Variants in MALRD1 observed in about 807,000 individuals in gnomAD.
The protein encoded by MALRD1 is MAM and LDL-receptor class A domain-containing protein 1.
Under a neutral mutation model 242.1 loss-of-function variants are expected in MALRD1, and 247 were observed. The ratio of observed to expected loss-of-function variants is 1.02; its 90% CI spans 0.92 to 1.13. The LOEUF (loss-of-function observed/expected upper bound fraction) is 1.13. MALRD1 is among the 50% of genes most tolerant of loss of function. The pLI is 0.00. For synonymous variants in MALRD1, 995 were observed against 866.6 expected (o/e 1.15, Z -2.60); for missense variants, 2,989 against 2,533.1 (o/e 1.18, Z -3.86).
chr10:19,161,379 G>A (rs1834392609), intron 12 of MALRD1, among the ~76,000 whole-genome samples: 1 of 114,240 alleles, frequency 8.8e-6, no homozygotes. Context: ...GGGAGGGATA[G>A]CATTGGGAGA....
At position 19,339,568 on chromosome 10, in the gene MALRD1, A is replaced by G. The variant is rs533940468; in HGVS notation, c.3901+7986A>G. Among the ~76,000 whole-genome samples the G allele has an allele frequency of 2.0e-5, 3 of 152,262 alleles. No individual in the cohort carries two copies. In the East Asian group the frequency reaches 5.8e-4, roughly 29 times the overall value. ...TCCTTTATTGCTTGCCATCCTGGCC[A>G]TTGCTACAAATTTTAGGTAATTTTT... On this transcript the variant is annotated intron_variant, in intron 24 of 39. Coordinates refer to ENST00000454679, the MANE Select transcript of MALRD1 (RefSeq NM_001142308.3).
intron 32 of MALRD1, among the ~76,000 whole-genome samples, chr10:19,565,397 T>A (rs1836207615): frequency 6.6e-6 from 1 of 152,200 alleles, no homozygotes; most frequent in African/African-American, 2.4e-5. Context: ...AACAAAGTGT[T>A]ACAGTTACAT....
chr10:19,541,095 T>G (rs959026064), intron 32 of MALRD1, among the ~76,000 whole-genome samples: 3 of 152,258 alleles, frequency 2.0e-5, no homozygotes, highest in Admixed American at 6.5e-5. Context: ...GCAATCTTAT[T>G]ATGAAAGTTA....
At chr10:19,569,118 C>T (rs1030705342) in intron 33 of MALRD1, among the ~76,000 whole-genome samples, 5 of 151,868 alleles carry the variant, frequency 3.3e-5, no homozygotes, top group African/African-American at 1.2e-4. Context: ...ATTATTCATC[C>T]CATATTCTGC....
rs377546426 is a variant in MALRD1 at position 19,585,812 on chromosome 10, G to C, written c.5681-9382G>C. Among the ~76,000 whole-genome samples, 44 of 152,276 alleles carry C rather than the reference G, an allele frequency of 2.9e-4. No homozygotes were observed. In the East Asian group the frequency reaches 6.4e-3, roughly 22 times the overall value. Reference sequence around the variant, plus strand: ...GGGAAGTTCTCCTGGATAATATCCTGCAGAGTGTTTTCCAACTTGGTTCCA... The same window carrying C: ...GGGAAGTTCTCCTGGATAATATCCTCCAGAGTGTTTTCCAACTTGGTTCCA... On this transcript the variant is annotated intron_variant, in intron 33 of 39. Transcript: ENST00000454679.
chr10:19,454,633 G>T (rs1038473581), intron 29 of MALRD1, among the ~76,000 whole-genome samples: 5 of 150,378 alleles, frequency 3.3e-5, no homozygotes, highest in Non-Finnish European at 7.4e-5. Flanking sequence ...TTGTGATGAG[G>T]TTATGTCCTG....
At chr10:19,184,523 T>A (rs781514007) in intron 14 of MALRD1, among the ~76,000 whole-genome samples, 1 of 150,402 alleles carries the variant, frequency 6.6e-6, no homozygotes, top group Non-Finnish European at 1.5e-5. Flanking sequence ...AATTTGGGGT[T>A]TAAGTTTTTT....
At chr10:19,651,801 G>T (rs1263345862) in intron 36 of MALRD1, among the ~76,000 whole-genome samples, 6 of 152,206 alleles carry the variant, frequency 3.9e-5, no homozygotes, top group Non-Finnish European at 8.8e-5. Flanking sequence ...TTCTGTCTGG[G>T]CATGATGTCA....
intron 2 of MALRD1, among the ~76,000 whole-genome samples, chr10:19,079,259 A>G (rs2358289): frequency 0.54 from 81,773 of 151,442 alleles, 22,244 homozygotes; most frequent in Middle Eastern, 0.6. Context: ...TTAGGAGACT[A>G]TTATTTAATT....
chr10:19,156,359 T>C (rs1834145243), intron 12 of MALRD1, among the ~76,000 whole-genome samples: 1 of 151,786 alleles, frequency 6.6e-6, no homozygotes, highest in African/African-American at 2.4e-5. Context: ...AAATGCCTGG[T>C]CTCCATTTCC....
At chr10:19,567,985 A>G (rs1157719482) in intron 33 of MALRD1, among the ~76,000 whole-genome samples, 7 of 152,080 alleles carry the variant, frequency 4.6e-5, no homozygotes, top group South Asian at 4.1e-4. Context: ...TGCTTTCCTT[A>G]TTCCCAAAGG....
intron 32 of MALRD1, among the ~76,000 whole-genome samples, chr10:19,535,498 C>CAT (rs902102557): frequency 2.0e-5 from 3 of 147,754 alleles, no homozygotes; most frequent in South Asian, 2.1e-4. Flanking sequence ...TACATATACA[C>CAT]ATATATATAC....
intron 28 of MALRD1, among the ~76,000 whole-genome samples, chr10:19,439,868 C>T (rs989441428): frequency 2.6e-5 from 4 of 152,116 alleles, no homozygotes; most frequent in South Asian, 2.1e-4. Context: ...ATTCTTTGGT[C>T]GTATACATTT....
chr10:19,131,875 G>A (rs1833123220), intron 8 of MALRD1, among the ~76,000 whole-genome samples: 2 of 152,180 alleles, frequency 1.3e-5, no homozygotes, highest in Admixed American at 1.3e-4. Flanking sequence ...CTGAGTTGGA[G>A]ATTTCTTTTT....
chr10:19,492,319 C>T (rs551257988), intron 30 of MALRD1, among the ~76,000 whole-genome samples: 2 of 152,082 alleles, frequency 1.3e-5, no homozygotes, highest in Non-Finnish European at 2.9e-5. Flanking sequence ...TACCAGCTAC[C>T]TGTTGCAGTT....
intron 31 of MALRD1, among the ~76,000 whole-genome samples, chr10:19,516,881 C>G (rs1833658726): frequency 6.6e-6 from 1 of 152,076 alleles, no homozygotes; most frequent in African/African-American, 2.4e-5. Flanking sequence ...ATTTTTACAT[C>G]TTAAAGTCAC....
At chr10:19,252,584 T>A (rs888878495) in intron 18 of MALRD1, among the ~76,000 whole-genome samples, 15 of 152,090 alleles carry the variant, frequency 9.9e-5, no homozygotes, top group South Asian at 4.1e-4. Context: ...TATTTTTTTG[T>A]CAGTAATCAT....
intron 5 of MALRD1, among the ~76,000 whole-genome samples, chr10:19,112,348 T>C (rs372304836): frequency 1.4e-4 from 22 of 152,078 alleles, no homozygotes; most frequent in African/African-American, 5.1e-4. Flanking sequence ...ATCGGAGACA[T>C]GCCGTTCAGC....
chr10:19,095,006 A>G (rs1181250643), intron 4 of MALRD1, among the ~76,000 whole-genome samples: 4 of 152,200 alleles, frequency 2.6e-5, no homozygotes, highest in Admixed American at 2.6e-4. Context: ...AAACTTTCTA[A>G]TCTTGCTCTG....
Sources: gnomAD v4.1 joint callset for allele counts (sites outside exome capture counted in the v4.1 genomes callset) on GRCh38, gnomAD v4.1.1 for gene constraint, MANE v1.5 for transcripts, NCBI Gene and HGNC (gene_info 2026-07-23, HGNC 2026-07-21) for gene names.